The following PSTPIP2 variants were observed in gnomAD, a reference collection of about 807,000 sequenced individuals.
The protein encoded by PSTPIP2 is proline-serine-threonine phosphatase interacting protein 2.
In PSTPIP2, 33 loss-of-function variants were observed where a neutral mutation model predicts 63.3. The observed-to-expected ratio is 0.52, with a 90% CI of 0.40 to 0.70. PSTPIP2 has a LOEUF of 0.70. Ranked by LOEUF, PSTPIP2 falls within the 30% of genes least tolerant of loss-of-function variation. The probability of loss-of-function intolerance (pLI) is 0.00; values close to 1 mark genes in which losing one functional copy is unlikely to be tolerated. For synonymous variants in PSTPIP2, 125 were observed against 132.7 expected (o/e 0.94, Z 0.40); for missense variants, 312 against 400.7 (o/e 0.78, Z 1.89).
chr18:46,020,294 T>A (rs1907298121), intron 3 of PSTPIP2, among the ~76,000 whole-genome samples: 1 of 152,188 alleles, frequency 6.6e-6, no homozygotes, highest in Admixed American at 6.5e-5. Flanking sequence ...CCTAACAGGT[T>A]CCATTATAGA....
chr18:46,056,623 G>C (rs1273607325), intron 1 of PSTPIP2, among the ~76,000 whole-genome samples: 1 of 152,136 alleles, frequency 6.6e-6, no homozygotes. Flanking sequence ...GCTACTCCGG[G>C]GGCTGAGGCA....
At chr18:46,029,637 G>T in intron 2 of PSTPIP2, 2 of 751,786 alleles carry the variant, frequency 2.7e-6, no homozygotes, top group South Asian at 2.8e-5. Context: ...TTAATTCTCT[G>T]ACATTCAATC....
chr18:46,021,902 C>T (rs368541508), intron 3 of PSTPIP2, among the ~76,000 whole-genome samples: 2 of 122,358 alleles, frequency 1.6e-5, no homozygotes, highest in Non-Finnish European at 3.4e-5. Context: ...TTTCTAAATA[C>T]GATTAATCAT....
chr18:46,055,790 C>A (rs539933492), intron 1 of PSTPIP2, among the ~76,000 whole-genome samples: 68 of 152,328 alleles, frequency 4.5e-4, no homozygotes, highest in Non-Finnish European at 8.1e-4. Flanking sequence ...CAAAACTGTA[C>A]AATTTGGACT....
chr18:46,028,655 G>T, intron 2 of PSTPIP2: 1 of 800,798 alleles, frequency 1.2e-6, no homozygotes, highest in Non-Finnish European at 2.2e-6. Context: ...ATGAAGATGA[G>T]GAAATGGTTG....
chr18:46,058,522 A>G (rs985686943), intron 1 of PSTPIP2, among the ~76,000 whole-genome samples: 17 of 151,742 alleles, frequency 1.1e-4, no homozygotes, highest in African/African-American at 3.1e-4. Context: ...ACACCCAGCT[A>G]TTTATTTTTT....
Position 46,018,344 on chromosome 18 carries a change from T to A in PSTPIP2, c.213-2407A>T, listed in dbSNP as rs1221849728. 5.3e-5 allele frequency among the ~76,000 whole-genome samples: 8 copies of A among 152,272 alleles called. No individual in the cohort carries two copies. The South Asian group carries it at 1.7e-3, about 32-fold the overall frequency. Reference sequence around the variant, plus strand: ...CTTATAATTACAGATTCTCAGGAGATGCAACCACTCCCAACATTCATAATC... The same window carrying A: ...CTTATAATTACAGATTCTCAGGAGAAGCAACCACTCCCAACATTCATAATC... On this transcript the variant is annotated intron_variant, in intron 3 of 14. Transcript: ENST00000409746.
intron 1 of PSTPIP2, among the ~76,000 whole-genome samples, chr18:46,049,513 T>C (rs1434429529): frequency 1.3e-5 from 2 of 148,942 alleles, no homozygotes; most frequent in Non-Finnish European, 3.0e-5. Context: ...AGATGACAAA[T>C]AAGGAGGAAA....
intron 4 of PSTPIP2, 77 bp from the exon 5 acceptor site, chr18:46,011,364 T>C: frequency 8.6e-7 from 1 of 1,160,062 alleles, no homozygotes; most frequent in East Asian, 2.5e-5. Context: ...ACAAAATAAA[T>C]ATGTATATAC....
intron 8 of PSTPIP2, 117 bp from the exon 9 acceptor site, chr18:45,997,945 A>G: frequency 1.2e-6 from 1 of 831,364 alleles, no homozygotes; most frequent in East Asian, 2.6e-5. Flanking sequence ...CTGAGCTTAC[A>G]AGGCCCCCAG....
At chr18:46,032,810 C>A (rs561493) in intron 2 of PSTPIP2, among the ~76,000 whole-genome samples, 386 of 143,570 alleles carry the variant, frequency 2.7e-3, no homozygotes, top group East Asian at 3.9e-3. Flanking sequence ...AAAAGAAAAA[C>A]AACCCATGAC....
chr18:46,003,202 A>G (rs2051687023), intron 6 of PSTPIP2, among the ~76,000 whole-genome samples: 1 of 152,158 alleles, frequency 6.6e-6, no homozygotes, highest in South Asian at 2.1e-4. Context: ...ACCTCCTTAG[A>G]CACCATCCCA....
intron 1 of PSTPIP2, among the ~76,000 whole-genome samples, chr18:46,053,167 T>C (rs764067589): frequency 5.3e-5 from 8 of 152,210 alleles, no homozygotes; most frequent in African/African-American, 9.6e-5. Flanking sequence ...CCTTGAAATA[T>C]GTGACTCTTG....
At chr18:46,060,290 TTTCA>T (rs1357492306) in intron 1 of PSTPIP2, among the ~76,000 whole-genome samples, 2 of 152,226 alleles carry the variant, frequency 1.3e-5, no homozygotes, top group Non-Finnish European at 2.9e-5. Context: ...CACTCATCAT[TTTCA>T]TTCATTATCT....
chr18:46,032,116 C>T (rs1010162017), intron 2 of PSTPIP2, among the ~76,000 whole-genome samples: 1 of 152,192 alleles, frequency 6.6e-6, no homozygotes, highest in South Asian at 2.1e-4. Flanking sequence ...ATTTTTCTGT[C>T]TCATCTGATC....
intron 1 of PSTPIP2, among the ~76,000 whole-genome samples, chr18:46,048,362 G>T (rs189739464): frequency 6.6e-6 from 1 of 152,332 alleles, no homozygotes; most frequent in East Asian, 1.9e-4. Context: ...CTAGCCAAGT[G>T]AAACTCACTT....
At chr18:46,042,073 C>T (rs1185174971) in intron 1 of PSTPIP2, among the ~76,000 whole-genome samples, 1 of 152,126 alleles carries the variant, frequency 6.6e-6, no homozygotes, top group African/African-American at 2.4e-5. Context: ...CAACTTGGCA[C>T]CCTAACAAGC....
intron 1 of PSTPIP2, among the ~76,000 whole-genome samples, chr18:46,068,802 G>T (rs1477953301): frequency 6.6e-5 from 10 of 152,284 alleles, no homozygotes; most frequent in Admixed American, 2.6e-4. Flanking sequence ...ACCAAGAGAT[G>T]ACTGTATAGA....
intron 6 of PSTPIP2, among the ~76,000 whole-genome samples, chr18:46,002,781 C>CT (rs554109865): frequency 1.7e-5 from 1 of 60,304 alleles, no homozygotes; most frequent in Non-Finnish European, 4.6e-5. Flanking sequence ...CATTGTGAGA[C>CT]CCCCCCATCT....
Sources: gnomAD v4.1 joint callset for allele counts (sites outside exome capture counted in the v4.1 genomes callset) on GRCh38, gnomAD v4.1.1 for gene constraint, MANE v1.5 for transcripts, NCBI Gene and HGNC (gene_info 2026-07-23, HGNC 2026-07-21) for gene names.